Variants in NUMA1 observed in about 807,000 individuals in gnomAD.
NUMA1 encodes the protein nuclear mitotic apparatus protein 1.
Under a neutral mutation model 237.1 loss-of-function variants are expected in NUMA1, and 62 were observed. The ratio of observed to expected loss-of-function variants is 0.26; its 90% CI spans 0.21 to 0.32. NUMA1 has a LOEUF of 0.32. NUMA1 is among the 10% of genes least tolerant of loss of function. The pLI, the probability that NUMA1 is intolerant of heterozygous loss-of-function variation, is 1.00. For synonymous variants in NUMA1, 1,028 were observed against 1,066.1 expected, an observed-to-expected ratio of 0.96 and a Z score of 0.70; for missense variants, 2,533 against 2,666.5, an observed-to-expected ratio of 0.95 and a Z score of 1.10.
Position 72,043,316 on chromosome 11 carries a change from C to T in NUMA1, c.-32-7341G>A, listed in dbSNP as rs201740688. On this transcript the variant is annotated intron_variant, in intron 2 of 26. Transcript: ENST00000393695. Reference sequence around the variant, plus strand: ...GTTTCTACCAAAAAATACAAAAAACCACACAAAAAAACAAAAACAAAAAAT... The same window carrying T: ...GTTTCTACCAAAAAATACAAAAAACTACACAAAAAAACAAAAACAAAAAAT... Among the ~76,000 whole-genome samples, 41 of 150,522 alleles carry T rather than the reference C, an allele frequency of 2.7e-4. No individual in the cohort carries two copies. The East Asian group carries it at 7.8e-3, about 28-fold the overall frequency.
In NUMA1 at chr11:72,008,940, AGGTGAGTCT is replaced by A. The variant is rs150367067; in HGVS notation, c.5058+18_5058+26del. 5.0e-3 allele frequency: 8,081 copies of A among 1,613,258 alleles called. 238 individuals are homozygous for A. The African/African-American group carries it at 0.073, about 15-fold the overall frequency. ...ACAGGGGTCCAGTGGAATAGGAGTGAGGTGAGTCTGCCAGCCAAATTCTTACCTGTGCCT... is the reference window on the plus strand; with the variant it reads ...ACAGGGGTCCAGTGGAATAGGAGTGAGCCAGCCAAATTCTTACCTGTGCCT... On this transcript the variant is annotated intron_variant, in intron 19 of 26. Coordinates refer to ENST00000393695, the MANE Select transcript of NUMA1 (RefSeq NM_006185.4).
At chr11:72,023,567 G>C (rs924889888) in intron 5 of NUMA1, among the ~76,000 whole-genome samples, 1 of 152,134 alleles carries the variant, frequency 6.6e-6, no homozygotes, top group Non-Finnish European at 1.5e-5. Flanking sequence ...ACTGCCCGAG[G>C]GTCTGGGCTC....
At chr11:72,070,955 G>A (rs767473653) in intron 1 of NUMA1, among the ~76,000 whole-genome samples, 5 of 152,198 alleles carry the variant, frequency 3.3e-5, no homozygotes, top group Non-Finnish European at 7.3e-5. Context: ...CCAAGGTTAG[G>A]TAACTGGCAA....
chr11:72,031,301 A>G (rs1940275974), intron 3 of NUMA1, among the ~76,000 whole-genome samples: 1 of 152,070 alleles, frequency 6.6e-6, no homozygotes, highest in African/African-American at 2.4e-5. Context: ...ATCTCAAAAA[A>G]AAAAAGAAAA....
At chr11:72,027,933 C>G (rs1000956083) in intron 4 of NUMA1, among the ~76,000 whole-genome samples, 1 of 152,158 alleles carries the variant, frequency 6.6e-6, no homozygotes, top group African/African-American at 2.4e-5. Flanking sequence ...GTTGAAATGT[C>G]CTGCCTGGGT....
At chr11:72,071,801 G>A (rs1943462923) in intron 1 of NUMA1, among the ~76,000 whole-genome samples, 1 of 152,148 alleles carries the variant, frequency 6.6e-6, no homozygotes, top group African/African-American at 2.4e-5. Flanking sequence ...TGTTAATAGT[G>A]ACTCTAAATG....
chr11:72,005,733 C>G, intron 22 of NUMA1: 1 of 499,462 alleles, frequency 2.0e-6, no homozygotes, highest in Non-Finnish European at 3.5e-6. Context: ...TCTGGCCAGC[C>G]TGGCCTTTCC....
rs1030278304 is a variant in NUMA1, at chr11:72,009,337, C to T, written c.4770G>A (p.Gln1590=). Residue 1590 remains glutamine (Q), a synonymous_variant, in exon 18 of 27, where the codon CAG becomes CAA. Coordinates refer to ENST00000393695, the MANE Select transcript of NUMA1 (RefSeq NM_006185.4). ...GGGCTTGCAGTTCATTCAGCTGGGCCTGGAGGCGCTGGGCCTCCTGCTGGC... is the reference window on the plus strand; with the variant it reads ...GGGCTTGCAGTTCATTCAGCTGGGCTTGGAGGCGCTGGGCCTCCTGCTGGC... ...GESQQEAQRL[Q]AQLNELQAQL... The T allele has an allele frequency of 7.4e-6, 12 of 1,612,930 alleles. No individual in the cohort carries two copies. In the South Asian group the frequency reaches 1.2e-4, roughly 16 times the overall value.
chr11:72,025,706 C>A (rs959161474), intron 4 of NUMA1, among the ~76,000 whole-genome samples: 17 of 152,224 alleles, frequency 1.1e-4, no homozygotes, highest in African/African-American at 4.1e-4. Context: ...ATCCTGCAAG[C>A]ATAAGCATCA....
At chr11:72,009,502 G>T in intron 17 of NUMA1, 115 bp from the exon 18 acceptor site, 1 of 1,383,258 alleles carries the variant, frequency 7.2e-7, no homozygotes, top group Non-Finnish European at 9.6e-7. Flanking sequence ...TTCTTAGGAA[G>T]CGGAAGAAAA....
intron 24 of NUMA1, 49 bp downstream of exon 24, chr11:72,004,591 C>A (rs1416777971): frequency 6.3e-7 from 1 of 1,576,994 alleles, no homozygotes. Flanking sequence ...TGAGCTGGGC[C>A]TGACCTGAGC....
At chr11:72,029,864 C>T (rs140098753) in intron 3 of NUMA1, among the ~76,000 whole-genome samples, 1 of 150,558 alleles carries the variant, frequency 6.6e-6, no homozygotes, top group African/African-American at 2.4e-5. Context: ...TATATTATAG[C>T]CCTTTGTGGC....
At chr11:72,031,558 G>C (rs140432506) in intron 3 of NUMA1, among the ~76,000 whole-genome samples, 3,466 of 152,240 alleles carry the variant, frequency 0.023, 131 homozygotes, top group African/African-American at 0.079. Context: ...ACTTGGGGAG[G>C]CTGAGGTGGA....
rs182987976 is a variant in NUMA1, at chr11:72,008,207, T to C, written c.5216+481A>G. 1.5e-3 allele frequency: 708 copies of C among 456,922 alleles called. 5 individuals carry two copies. The highest frequency in any genetic ancestry group is 0.013 in the African/African-American group (668 of 49,848). 28.3% of individuals were successfully genotyped at this position (456,922 alleles called of 1,614,324 possible). Reference sequence around the variant, plus strand: ...AACATTTTTCCAGTCTTAACTTCTATACTAGCTATTAGAATAATCTTTTTA... The same window carrying C: ...AACATTTTTCCAGTCTTAACTTCTACACTAGCTATTAGAATAATCTTTTTA... On this transcript the variant is annotated intron_variant, in intron 20 of 26. Transcript: ENST00000393695.
chr11:72,063,393 A>G (rs556736806), intron 2 of NUMA1, among the ~76,000 whole-genome samples: 1 of 151,928 alleles, frequency 6.6e-6, no homozygotes, highest in South Asian at 2.1e-4. Context: ...CAAAACAAAG[A>G]AACAAAGAAA....
chr11:72,006,120 G>A lies in NUMA1; in HGVS notation c.5607C>T (p.Ala1869=), dbSNP rs555585214. 1.9e-6 allele frequency: 3 copies of A among 1,614,200 alleles called. No individual in the cohort carries two copies. Among genetic ancestry groups the A allele is most frequent in the African/African-American group, 1.3e-5 (1 of 75,064 alleles). The stretch of plus-strand genomic sequence containing the variant: ...GGCGGTAGCCAGGCAAGCTGAGCAG[G>A]GCTGAGTTGCCATAATCGGGAGAAC... ...RLGSPDYGNS[A]LLSLPGYRPT... is the part of the protein sequence containing the mutation. The change falls in exon 22 of 27, where the codon GCC becomes GCT. Residue 1869 remains alanine, a synonymous_variant. Coordinates refer to ENST00000393695, the MANE Select transcript of NUMA1 (RefSeq NM_006185.4).
Position 72,016,007 on chromosome 11 carries a change from T to C in NUMA1, c.1496A>G (p.Gln499Arg). ...SQAHGARLTAQVASLTSELTT... is the reference protein window; with the variant it reads ...SQAHGARLTARVASLTSELTT... ...GAGCTCAGAGGTCAGAGAGGCCACC[T>C]GGGCAGTCAACCGGGCCCCATGAGC... The change falls in exon 15 of 27, where the codon CAG becomes CGG. Residue 499 changes from glutamine to arginine, a missense_variant. This residue lies in a region of NUMA1 where 1,414 missense variants were observed against 1,508.1 expected (regional missense o/e 0.94). Coordinates refer to ENST00000393695, the MANE Select transcript of NUMA1 (RefSeq NM_006185.4). The C allele has an allele frequency of 6.2e-7, 1 of 1,614,006 alleles. No individual in the cohort carries two copies.
At chr11:72,034,088 C>G (rs1940696362) in intron 3 of NUMA1, among the ~76,000 whole-genome samples, 1 of 152,026 alleles carries the variant, frequency 6.6e-6, no homozygotes, top group South Asian at 2.1e-4. Context: ...GTACTCCAGT[C>G]TAGGCAACAG....
chr11:72,014,721 C>T lies in NUMA1; in HGVS notation c.2782G>A (p.Glu928Lys), dbSNP rs779670494. ...RLETLVRKAG[E>K]QQETASRELV... ...TCCCGGGAGGCTGTTTCCTGCTGCT[C>T]ACCTGCCTTGCGCACCAAGGTCTCC... Residue 928 changes from glutamate (E) to lysine (K), a missense_variant, in exon 15 of 27, where the codon GAG becomes AAG. Physicochemically the swap from Glu to Lys is moderately conservative, Grantham distance 56. Around this residue, in one of 3 missense-constraint regions of NUMA1, gnomAD observed 1,414 missense variants for 1,508.1 expected, o/e 0.94. Transcript: ENST00000393695. This position sits in a 1 kb window ranked among gnomAD's most constrained non-coding sequence, Gnocchi z 4.6. The T allele has an allele frequency of 9.3e-6, 15 of 1,614,056 alleles. No individual in the cohort carries two copies. Among genetic ancestry groups the T allele is most frequent in the South Asian group, 6.6e-5 (6 of 91,086 alleles).
Sources: allele counts gnomAD v4.1 joint callset (sites outside exome capture counted in the v4.1 genomes callset), GRCh38; gene constraint gnomAD v4.1.1; regional missense constraint gnomAD v4.1.1; non-coding constraint Gnocchi (gnomAD v3.1); transcripts MANE v1.5; gene names NCBI Gene and HGNC (gene_info 2026-07-23, HGNC 2026-07-21).